Variants in HELZ observed in about 807,000 individuals in gnomAD.
HELZ encodes the protein helicase with zinc finger.
A neutral mutation model predicts 218.2 loss-of-function variants in HELZ; 23 were observed. The observed-to-expected ratio is 0.11, with a 90% CI of 0.08 to 0.15. HELZ has a LOEUF of 0.15. Ranked by LOEUF, HELZ falls within the 10% of genes least tolerant of loss-of-function variation. The pLI is 1.00. For synonymous variants in HELZ, 814 were observed against 829.4 expected, an observed-to-expected ratio of 0.98 and a Z score of 0.32; for missense variants, 1,813 against 2,353.7, an observed-to-expected ratio of 0.77 and a Z score of 4.75.
At chr17:67,233,799 A>G (rs2041100768) in intron 3 of HELZ, among the ~76,000 whole-genome samples, 1 of 151,802 alleles carries the variant, frequency 6.6e-6, no homozygotes, top group African/African-American at 2.4e-5. Flanking sequence ...CAGCCACCCA[A>G]CCATAAAAAC....
intron 31 of HELZ, among the ~76,000 whole-genome samples, chr17:67,103,865 C>T (rs1161830202): frequency 6.6e-6 from 1 of 152,130 alleles, no homozygotes; most frequent in Non-Finnish European, 1.5e-5. Flanking sequence ...CTACAGTGTA[C>T]AATACAGTGT....
At chr17:67,143,485 G>A (rs940332742) in intron 21 of HELZ, among the ~76,000 whole-genome samples, 5 of 151,966 alleles carry the variant, frequency 3.3e-5, no homozygotes, top group Non-Finnish European at 2.9e-5. Flanking sequence ...GCGTGGTGGT[G>A]CGTACCCATA....
intron 31 of HELZ, among the ~76,000 whole-genome samples, chr17:67,104,128 G>GTAAAACTA (rs1392831402): frequency 2.0e-5 from 3 of 152,042 alleles, no homozygotes; most frequent in Non-Finnish European, 4.4e-5. Flanking sequence ...AGTGTAAGAG[G>GTAAAACTA]TAAAACTATA....
At chr17:67,160,820 C>A in intron 16 of HELZ, 77 bp downstream of exon 16, 1 of 1,066,236 alleles carries the variant, frequency 9.4e-7, no homozygotes, top group Non-Finnish European at 1.3e-6. Flanking sequence ...GTCTTGCTAG[C>A]CCTCATTGTG....
chr17:67,161,169 A>G, intron 15 of HELZ, 93 bp from the exon 16 acceptor site: 1 of 897,556 alleles, frequency 1.1e-6, no homozygotes, highest in Non-Finnish European at 1.7e-6. Context: ...GAACCATTAA[A>G]ACCACTGAAA....
intron 3 of HELZ, among the ~76,000 whole-genome samples, chr17:67,222,599 T>G (rs1156661349): frequency 3.9e-5 from 6 of 152,200 alleles, no homozygotes; most frequent in Non-Finnish European, 7.3e-5. Context: ...TAGGGTCACT[T>G]AGCTGTAGTG....
intron 24 of HELZ, among the ~76,000 whole-genome samples, chr17:67,127,262 T>C (rs1306530275): frequency 6.6e-6 from 1 of 152,232 alleles, no homozygotes; most frequent in Non-Finnish European, 1.5e-5. Context: ...TTTGCTACTG[T>C]GCTCCTTTAG....
intron 15 of HELZ, among the ~76,000 whole-genome samples, chr17:67,164,269 G>GC (rs1252917784): frequency 6.6e-6 from 1 of 152,174 alleles, no homozygotes; most frequent in Non-Finnish European, 1.5e-5. Flanking sequence ...TGAGCCTAGC[G>GC]CATGTCAGGC....
chr17:67,175,956 A>G (rs1419801128), intron 13 of HELZ, among the ~76,000 whole-genome samples: 2 of 152,232 alleles, frequency 1.3e-5, no homozygotes, highest in Non-Finnish European at 2.9e-5. Flanking sequence ...AGAAGTTCCT[A>G]TAAAAACACT....
intron 1 of HELZ, chr17:67,244,415 G>A (rs1313586594): frequency 5.6e-6 from 1 of 178,158 alleles, no homozygotes; most frequent in Non-Finnish European, 1.1e-5. Flanking sequence ...GGTGCAGAAG[G>A]CTCCAATAAT....
intron 20 of HELZ, 115 bp downstream of exon 20, chr17:67,148,454 G>C (rs2038576333): frequency 1.3e-6 from 1 of 775,470 alleles, no homozygotes. Flanking sequence ...GCAAGACTAG[G>C]GACACTATGT....
chr17:67,139,408 TGG>T (rs2038253022), intron 21 of HELZ, among the ~76,000 whole-genome samples: 1 of 152,144 alleles, frequency 6.6e-6, no homozygotes, highest in African/African-American at 2.4e-5. Context: ...TGGTTAGATG[TGG>T]GGATAGATGA....
rs1478841469 is a variant in HELZ, at chr17:67,078,009, C to G, written c.*243G>C. The G allele has an allele frequency of 6.8e-6, 2 of 296,142 alleles. No homozygotes were observed. The highest frequency in any genetic ancestry group is 1.2e-5 in the Non-Finnish European group (2 of 162,624). 18.3% of individuals were successfully genotyped at this position (296,142 alleles called of 1,614,324 possible). On this transcript the variant is annotated 3_prime_UTR_variant, in exon 33 of 33. Transcript: ENST00000358691. ...TGATGCAAACATATGTAACAATACA[C>G]AAATTTAAAAATTTTTTTATTCTAC... is the stretch of plus-strand genomic sequence containing the variant.
At chr17:67,128,621 C>A (rs763025706) in intron 24 of HELZ, 30 bp downstream of exon 24, 6 of 1,593,032 alleles carry the variant, frequency 3.8e-6, no homozygotes, top group Non-Finnish European at 1.7e-6. Context: ...CTCCCTTTAA[C>A]CTCTTCAATT....
At chr17:67,122,093 A>G (rs1022472674) in intron 26 of HELZ, among the ~76,000 whole-genome samples, 5 of 152,252 alleles carry the variant, frequency 3.3e-5, no homozygotes, top group Admixed American at 2.0e-4. Context: ...TAAGATTACA[A>G]TTAAATATTT....
At chr17:67,141,034 G>A (rs765851930) in intron 21 of HELZ, among the ~76,000 whole-genome samples, 11 of 152,138 alleles carry the variant, frequency 7.2e-5, no homozygotes, top group African/African-American at 1.9e-4. Flanking sequence ...CATAACCTAA[G>A]AGAATTCCTC....
chr17:67,226,875 C>A (rs188005098), intron 3 of HELZ, among the ~76,000 whole-genome samples: 2 of 151,968 alleles, frequency 1.3e-5, no homozygotes, highest in Non-Finnish European at 2.9e-5. Context: ...CATAAAAGAC[C>A]CCAGTCTCAA....
intron 28 of HELZ, among the ~76,000 whole-genome samples, chr17:67,112,408 T>C (rs570440649): frequency 3.0e-4 from 45 of 152,332 alleles, no homozygotes; most frequent in African/African-American, 1.0e-3. Flanking sequence ...TCTGACTATA[T>C]GTGCTGCTGG....
Position 67,223,556 on chromosome 17 carries a change from T to C in HELZ, c.-18-4734A>G, listed in dbSNP as rs2040808707. Among the ~76,000 whole-genome samples the C allele has an allele frequency of 2.0e-5, 3 of 152,012 alleles. No individual in the cohort carries two copies. The South Asian group carries it at 6.2e-4, about 32-fold the overall frequency. On this transcript the variant is annotated intron_variant, in intron 3 of 32. Coordinates refer to ENST00000358691, the MANE Select transcript of HELZ (RefSeq NM_014877.4). Reference sequence around the variant, plus strand: ...ACCTGAGCTCAGGAGTTTGAGACCATCCTGGCTAACAAAGTGAAACCCCGT... The same window carrying C: ...ACCTGAGCTCAGGAGTTTGAGACCACCCTGGCTAACAAAGTGAAACCCCGT...
Sources: allele counts gnomAD v4.1 joint callset (sites outside exome capture counted in the v4.1 genomes callset), GRCh38; gene constraint gnomAD v4.1.1; transcripts MANE v1.5; gene names NCBI Gene and HGNC (gene_info 2026-07-23, HGNC 2026-07-21).